The following PKM variants were observed in gnomAD, a reference collection of about 807,000 sequenced individuals.
The protein encoded by PKM is pyruvate kinase PKM.
A neutral mutation model predicts 49.8 loss-of-function variants in PKM; 18 were observed. That is an observed-to-expected ratio of 0.36 (90% CI 0.25 to 0.54). The LOEUF (loss-of-function observed/expected upper bound fraction) is 0.54. Among genes scored for constraint, PKM ranks in the 20% least tolerant of loss-of-function variants. The pLI, the probability that PKM is intolerant of heterozygous loss-of-function variation, is 0.89. For synonymous variants in PKM, 239 were observed against 261.8 expected (o/e 0.91, Z 0.84); for missense variants, 508 against 713.8 (o/e 0.71, Z 3.28).
At chr15:72,203,012 A>G in intron 8 of PKM, 1 of 1,613,182 alleles carries the variant, frequency 6.2e-7, no homozygotes. Context: ...ACCTGCCCTT[A>G]GGGCCCTACC....
At chr15:72,218,655 G>A (rs1300080436) in intron 2 of PKM, among the ~76,000 whole-genome samples, 2 of 149,116 alleles carry the variant, frequency 1.3e-5, no homozygotes, top group African/African-American at 2.5e-5. Flanking sequence ...CTCAAATTTC[G>A]AGGCTCAGGC....
intron 6 of PKM, among the ~76,000 whole-genome samples, 184 bp from the exon 7 acceptor site, chr15:72,207,461 G>C (rs2082115294): frequency 6.6e-6 from 1 of 152,172 alleles, no homozygotes; most frequent in Non-Finnish European, 1.5e-5. Flanking sequence ...CCCCAGAGTG[G>C]GCCAACAATT....
Position 72,199,383 on chromosome 15 carries a change from T to G in PKM, c.*267A>C. The G allele has an allele frequency of 1.5e-6, 1 of 657,912 alleles. No individual in the cohort carries two copies. 40.8% of individuals were successfully genotyped at this position (657,912 alleles called of 1,614,324 possible). On this transcript the variant is annotated 3_prime_UTR_variant, in exon 11 of 11. Coordinates refer to ENST00000335181, the MANE Select transcript of PKM (RefSeq NM_002654.6). ...AGGAAGCTGTCACCCTCTTGCCATC[T>G]GGCTCCAGGGGCCTCCAGTCCAGCA...
At chr15:72,218,851 C>A in intron 2 of PKM, 93 bp downstream of exon 2, 2 of 1,309,290 alleles carry the variant, frequency 1.5e-6, no homozygotes. Flanking sequence ...CATGTAGCAC[C>A]TAGGTTTGTT....
chr15:72,202,397 C>G lies in PKM; in HGVS notation c.1307+57G>C. ...TTGTTCAATGGACTGCTCCCAGGAC[C>G]CCCAAGGTGAGGTACCACTGAGCAG... On this transcript the variant is annotated intron_variant, in intron 9 of 10. Coordinates refer to ENST00000335181, the MANE Select transcript of PKM (RefSeq NM_002654.6). This position sits in a 1 kb window ranked among gnomAD's most constrained non-coding sequence, Gnocchi z 4.5. 6.5e-7 allele frequency: 1 copy of G among 1,547,042 alleles called. No homozygotes were observed. Among genetic ancestry groups the G allele is most frequent in the Non-Finnish European group, 8.8e-7 (1 of 1,130,678 alleles).
At chr15:72,205,100 A>AT (rs533267397) in intron 8 of PKM, among the ~76,000 whole-genome samples, 1 of 147,424 alleles carries the variant, frequency 6.8e-6, no homozygotes, top group Non-Finnish European at 1.5e-5. Context: ...CTCTCTACCG[A>AT]TTTTTTTGTT....
At chr15:72,230,910 AG>A in intron 1 of PKM, 2 of 1,286,506 alleles carry the variant, frequency 1.6e-6, no homozygotes, top group Non-Finnish European at 2.0e-6. Flanking sequence ...CTGATCTGGA[AG>A]GAACGGCGCT....
At chr15:72,231,517 C>T (rs1282661240), upstream of PKM, 1 of 152,540 alleles carries the variant, frequency 6.6e-6, no homozygotes, top group Non-Finnish European at 1.5e-5. Flanking sequence ...CGCCGGGCCA[C>T]CTGTTGCCGC....
At chr15:72,228,963 C>T (rs1169982790) in intron 1 of PKM, among the ~76,000 whole-genome samples, 1 of 152,204 alleles carries the variant, frequency 6.6e-6, no homozygotes, top group Non-Finnish European at 1.5e-5. Flanking sequence ...CCTTGCCTGC[C>T]TTTGTCTACA....
intron 1 of PKM, chr15:72,228,525 G>A: frequency 1.6e-6 from 1 of 616,100 alleles, no homozygotes; most frequent in Non-Finnish European, 2.7e-6. Context: ...ACTGAAAGGG[G>A]AGAAGGGACT....
chr15:72,224,661 G>T (rs1191950274), intron 1 of PKM, among the ~76,000 whole-genome samples: 2 of 151,982 alleles, frequency 1.3e-5, no homozygotes, highest in South Asian at 4.2e-4. Flanking sequence ...CTAAGAGTTC[G>T]AGACCAGCCT....
intron 1 of PKM, among the ~76,000 whole-genome samples, chr15:72,224,487 T>G (rs570526008): frequency 2.0e-3 from 302 of 152,232 alleles, no homozygotes; most frequent in Non-Finnish European, 1.8e-3. Flanking sequence ...TACGGCAGCC[T>G]TTATAGGTTT....
chr15:72,229,354 G>A lies in PKM; in HGVS notation c.-14+1762C>T, dbSNP rs189018706. 6.6e-5 allele frequency among the ~76,000 whole-genome samples: 10 copies of A among 152,300 alleles called. No individual in the cohort carries two copies. The East Asian group carries it at 1.7e-3, about 26-fold the overall frequency. Reference sequence around the variant, plus strand: ...CCCAGTTTTCCCAGGGGAAACTGAGGTGTAGAGGCTGAACTCCTTCAGAGT... The same window carrying A: ...CCCAGTTTTCCCAGGGGAAACTGAGATGTAGAGGCTGAACTCCTTCAGAGT... On this transcript the variant is annotated intron_variant, in intron 1 of 10. Transcript: ENST00000335181.
intron 3 of PKM, among the ~76,000 whole-genome samples, chr15:72,212,651 CAGGTGT>C (rs1287170188): frequency 3.9e-5 from 6 of 152,264 alleles, no homozygotes; most frequent in African/African-American, 1.4e-4. Flanking sequence ...TGATAAGACT[CAGGTGT>C]ACTGAGTTCC....
rs2081961010 is a variant in PKM, at chr15:72,202,164, A to G, written c.1307+290T>C. 9 of 461,548 alleles carry G rather than the reference A, an allele frequency of 1.9e-5. No individual in the cohort carries two copies. The highest frequency in any genetic ancestry group is 3.5e-5 in the Non-Finnish European group (9 of 254,032). 28.6% of individuals were successfully genotyped at this position (461,548 alleles called of 1,614,324 possible). A position where few individuals can be genotyped will look rare whatever the true frequency, so the allele number is the denominator to read the frequency against. On this transcript the variant is annotated intron_variant, in intron 9 of 10. Transcript: ENST00000335181. The surrounding 1 kb of genome is among the most constrained non-coding windows in gnomAD (Gnocchi z 4.5). ...ACAATTTTAGAGGACTAAATTTTCA[A>G]TATCAAATAACCATTTGTAGTCAGC...
intron 3 of PKM, among the ~76,000 whole-genome samples, chr15:72,212,252 G>GGATCATGA (rs1373071673): frequency 7.9e-5 from 12 of 152,154 alleles, no homozygotes; most frequent in African/African-American, 2.7e-4. Flanking sequence ...CAAGGCGGGT[G>GGATCATGA]GATCATGAGA....
In PKM at chr15:72,224,841, G is replaced by C. The variant is rs530654974; in HGVS notation, c.-13-5731C>G. ...TGCCCTCCAGCCCGGGCAACAGAGT[G>C]AAAAACTCTGTCTCAGAAAAAAAGG... On this transcript the variant is annotated intron_variant, in intron 1 of 10. Coordinates refer to ENST00000335181, the MANE Select transcript of PKM (RefSeq NM_002654.6). Among the ~76,000 whole-genome samples, 3 of 141,002 alleles carry C rather than the reference G, an allele frequency of 2.1e-5. No homozygotes were observed. In the South Asian group the frequency reaches 6.8e-4, roughly 32 times the overall value. 92.5% of individuals were successfully genotyped at this position (141,002 alleles called of 152,430 possible). A position where few individuals can be genotyped will look rare whatever the true frequency, so the allele number is the denominator to read the frequency against.
rs558224396 is a variant in PKM, at chr15:72,202,863, C to T, written c.1141-243G>A. On this transcript the variant is annotated intron_variant, in intron 8 of 10. Transcript: ENST00000335181. The surrounding 1 kb of genome is among the most constrained non-coding windows in gnomAD (Gnocchi z 4.5). ...TACTGTGCCTACTGAGCCACAGGAC[C>T]CTTTGGTCCTGCCCTGCCATGACCT... 6 of 799,446 alleles carry T rather than the reference C, an allele frequency of 7.5e-6. No homozygotes were observed. In the East Asian group the frequency reaches 1.0e-4, roughly 14 times the overall value. 49.5% of individuals were successfully genotyped at this position (799,446 alleles called of 1,614,324 possible). A position where few individuals can be genotyped will look rare whatever the true frequency, so the allele number is the denominator to read the frequency against.
In PKM at chr15:72,219,017, C is replaced by T. The variant is rs2140748283; in HGVS notation, c.81G>A (p.Leu27=). ...QLHAAMADTF[L]EHMCRLDIDS... ...CAATGTCCAGGCGGCACATGTGCTC[C>T]AGGAATGTGTCAGCCATGGCTGCGT... The change falls in exon 2 of 11, where the codon CTG becomes CTA. Residue 27 remains leucine (L), a synonymous_variant. Coordinates refer to ENST00000335181, the MANE Select transcript of PKM (RefSeq NM_002654.6). The T allele has an allele frequency of 6.2e-7, 1 of 1,614,146 alleles. No homozygotes were observed. The highest frequency in any genetic ancestry group is 8.5e-7 in the Non-Finnish European group (1 of 1,180,024).
Sources: gnomAD v4.1 joint callset for allele counts (sites outside exome capture counted in the v4.1 genomes callset) on GRCh38, gnomAD v4.1.1 for gene constraint, Gnocchi (gnomAD v3.1) non-coding constraint, MANE v1.5 for transcripts, NCBI Gene and HGNC (gene_info 2026-07-23, HGNC 2026-07-21) for gene names.